Variants in C1D observed in about 807,000 individuals in gnomAD.
C1D encodes nuclear nucleic acid-binding protein C1D.
C1D carries 10 observed loss-of-function variants against 17.5 expected under a neutral mutation model. That is an observed-to-expected ratio of 0.57 (90% CI 0.35 to 0.97). C1D has a LOEUF of 0.97. Among genes scored for constraint, C1D ranks in the 50% least tolerant of loss-of-function variants. The pLI is 0.01. For synonymous variants in C1D, 49 were observed against 54.0 expected (o/e 0.91, Z 0.40); for missense variants, 136 against 160.1 (o/e 0.85, Z 0.81).
chr2:68,043,052 T>C lies in C1D; in HGVS notation c.263A>G (p.Glu88Gly). 1.3e-6 allele frequency: 2 copies of C among 1,580,000 alleles called. No homozygotes were observed. The highest frequency in any genetic ancestry group is 1.7e-6 in the Non-Finnish European group (2 of 1,165,894). Residue 88 changes from glutamate (E) to glycine (G), a missense_variant and splice_region_variant, in exon 5 of 5, where the codon GAA becomes GGA. Glu to Gly is a moderately conservative substitution (Grantham distance 98). Coordinates refer to ENST00000410067, the MANE Select transcript of C1D (RefSeq NM_173177.3). Reference protein sequence around the residue: ...PKEHPVKQELERIRVYMNRVK... With the variant: ...PKEHPVKQELGRIRVYMNRVK... ...TCTGTTCATATATACTCTGATTCTT[T>C]CCTTAAAGATAAAAAACAAAGGCAA...
At chr2:68,056,269 A>AT (rs1224669555) in intron 1 of C1D, among the ~76,000 whole-genome samples, 1 of 152,076 alleles carries the variant, frequency 6.6e-6, no homozygotes, top group Admixed American at 6.6e-5. Flanking sequence ...TGCCCAGCTA[A>AT]TTTTTGTATT....
At chr2:68,049,194 C>T (rs1320339427) in intron 1 of C1D, among the ~76,000 whole-genome samples, 1 of 143,416 alleles carries the variant, frequency 7.0e-6, no homozygotes, top group East Asian at 2.0e-4. Flanking sequence ...TAGACTGTCT[C>T]TCAAAAAAAA....
At chr2:68,060,406 C>T (rs1325977596) in intron 1 of C1D, among the ~76,000 whole-genome samples, 1 of 152,190 alleles carries the variant, frequency 6.6e-6, no homozygotes, top group African/African-American at 2.4e-5. Flanking sequence ...CTTTAGAAGG[C>T]TGAGACAGGC....
intron 2 of C1D, among the ~76,000 whole-genome samples, 194 bp downstream of exon 2, chr2:68,046,979 A>C (rs1209801637): frequency 6.6e-6 from 1 of 152,122 alleles, no homozygotes; most frequent in Non-Finnish European, 1.5e-5. Flanking sequence ...TTAAAAACAT[A>C]GTTAGGAGGT....
rs927530752 is a variant in C1D, at chr2:68,041,391, A to G, written c.*1498T>C. The G allele has an allele frequency of 2.0e-5, 3 of 152,030 alleles. No individual in the cohort carries two copies. Among genetic ancestry groups the G allele is most frequent in the Non-Finnish European group, 4.4e-5 (3 of 67,882 alleles). The allele number at this position is 152,030 out of a possible 1,614,324, so 9.4% of individuals were successfully genotyped here. A position where few individuals can be genotyped will look rare whatever the true frequency, so the allele number is the denominator to read the frequency against. ...AGAAAATATACAGAAATCCAAATAA[A>G]TTTCTTTGCAATAAATAACACAAAG... is the stretch of plus-strand genomic sequence containing the variant. On this transcript the variant is annotated 3_prime_UTR_variant, in exon 5 of 5. Transcript: ENST00000410067.
intron 1 of C1D, among the ~76,000 whole-genome samples, chr2:68,052,152 G>T (rs1017565604): frequency 6.6e-6 from 1 of 151,734 alleles, no homozygotes; most frequent in African/African-American, 2.4e-5. Context: ...AAAAGTCAGA[G>T]AACAGAGAAC....
At position 68,042,070 on chromosome 2, in the gene C1D, G is replaced by A. The variant is rs938441443; in HGVS notation, c.*819C>T. ...AAATAAAAAAAATCTGAAAAAAAATGAGATGAAAAGAACTGTGGACACCAT... is the reference window on the plus strand; with the variant it reads ...AAATAAAAAAAATCTGAAAAAAAATAAGATGAAAAGAACTGTGGACACCAT... On this transcript the variant is annotated 3_prime_UTR_variant, in exon 5 of 5. Transcript: ENST00000410067. 2 of 151,890 alleles carry A rather than the reference G, an allele frequency of 1.3e-5. No homozygotes were observed. The highest frequency in any genetic ancestry group is 2.4e-5 in the African/African-American group (1 of 41,394). The allele number at this position is 151,890 out of a possible 1,614,324, so 9.4% of individuals were successfully genotyped here. A position where few individuals can be genotyped will look rare whatever the true frequency, so the allele number is the denominator to read the frequency against.
chr2:68,051,912 G>A (rs1390127536), intron 1 of C1D, among the ~76,000 whole-genome samples: 1 of 151,614 alleles, frequency 6.6e-6, no homozygotes, highest in Non-Finnish European at 1.5e-5. Context: ...CCGGTCTACT[G>A]CCAAAAGGCA....
intron 1 of C1D, among the ~76,000 whole-genome samples, chr2:68,062,676 G>C (rs932266961): frequency 2.0e-5 from 3 of 152,100 alleles, no homozygotes; most frequent in African/African-American, 7.2e-5. Context: ...AGAAGGGGGT[G>C]GTTAACAAAC....
chr2:68,047,991 T>G (rs1671180016), intron 1 of C1D, among the ~76,000 whole-genome samples: 1 of 152,088 alleles, frequency 6.6e-6, no homozygotes, highest in Non-Finnish European at 1.5e-5. Context: ...AAATCTTAGG[T>G]CTAAAATACG....
chr2:68,042,941 G>C lies in C1D; in HGVS notation c.374C>G (p.Pro125Arg). The change falls in exon 5 of 5, where the codon CCA (proline) becomes CGA (arginine). Residue 125 changes from proline to arginine, a missense_variant. Physicochemically the swap from Pro to Arg is moderately radical, Grantham distance 103. Coordinates refer to ENST00000410067, the MANE Select transcript of C1D (RefSeq NM_173177.3). ...SRFVKNALWE[P>R]KSKNASKVAN... is the part of the protein sequence containing the mutation. The stretch of plus-strand genomic sequence containing the variant: ...AACTTTTGATGCATTTTTCGATTTT[G>C]GTTCCCAGAGGGCATTTTTTACAAA... 6.3e-7 allele frequency: 1 copy of C among 1,576,146 alleles called. No homozygotes were observed. Among genetic ancestry groups the C allele is most frequent in the East Asian group, 2.3e-5 (1 of 43,090 alleles).
In C1D at chr2:68,056,095, A is replaced by G. The variant is rs905616710; in HGVS notation, c.-10+6863T>C. Among the ~76,000 whole-genome samples the G allele has an allele frequency of 3.9e-5, 6 of 152,216 alleles. No individual in the cohort carries two copies. In the South Asian group the frequency reaches 1.2e-3, roughly 32 times the overall value. On this transcript the variant is annotated intron_variant, in intron 1 of 4. Coordinates refer to ENST00000410067, the MANE Select transcript of C1D (RefSeq NM_173177.3). Reference sequence around the variant, plus strand: ...CTAACATTTCCAACAAAAGGCTCACATTCTAGAGTGTCTATTTATTTCAAG... The same window carrying G: ...CTAACATTTCCAACAAAAGGCTCACGTTCTAGAGTGTCTATTTATTTCAAG...
chr2:68,054,609 C>G (rs1455375483), intron 1 of C1D, among the ~76,000 whole-genome samples: 2 of 151,948 alleles, frequency 1.3e-5, no homozygotes, highest in Non-Finnish European at 2.9e-5. Context: ...ACAGCAACAC[C>G]TACATTCATG....
intron 1 of C1D, among the ~76,000 whole-genome samples, chr2:68,056,884 T>C (rs189382106): frequency 4.1e-4 from 63 of 152,346 alleles, no homozygotes; most frequent in African/African-American, 1.4e-3. Context: ...TATGTACACA[T>C]GCTTTGACCT....
At chr2:68,053,018 A>G in intron 1 of C1D, 2 of 1,545,750 alleles carry the variant, frequency 1.3e-6, no homozygotes, top group Non-Finnish European at 1.7e-6. Context: ...GAACATGCCT[A>G]AAGTTGTACA....
intron 1 of C1D, among the ~76,000 whole-genome samples, chr2:68,061,482 T>C (rs1286995026): frequency 6.6e-6 from 1 of 152,218 alleles, no homozygotes; most frequent in African/African-American, 2.4e-5. Flanking sequence ...TTCACTTCTA[T>C]TCAAAGTTTA....
At chr2:68,059,947 T>TA (rs1173945141) in intron 1 of C1D, among the ~76,000 whole-genome samples, 2 of 152,172 alleles carry the variant, frequency 1.3e-5, no homozygotes, top group Non-Finnish European at 2.9e-5. Flanking sequence ...AGAATGAACA[T>TA]ATTCAACTGC....
At chr2:68,043,241 G>A (rs959294417) in intron 4 of C1D, among the ~76,000 whole-genome samples, 188 bp from the exon 5 acceptor site, 1 of 152,148 alleles carries the variant, frequency 6.6e-6, no homozygotes, top group African/African-American at 2.4e-5. Context: ...TAGTCGGAGG[G>A]TGGGGAAAGA....
intron 1 of C1D, among the ~76,000 whole-genome samples, chr2:68,056,697 CAT>C: frequency 6.6e-6 from 1 of 152,196 alleles, no homozygotes; most frequent in Non-Finnish European, 1.5e-5. Flanking sequence ...ATTAAGGAAA[CAT>C]AAATCGCTAA....
Sources: gnomAD v4.1 joint callset for allele counts (sites outside exome capture counted in the v4.1 genomes callset) on GRCh38, gnomAD v4.1.1 for gene constraint, MANE v1.5 for transcripts, NCBI Gene and HGNC (gene_info 2026-07-23, HGNC 2026-07-21) for gene names.